The following DHX57 variants were observed in gnomAD, a reference collection of about 807,000 sequenced individuals.
The protein encoded by DHX57 is putative ATP-dependent RNA helicase DHX57.
Under a neutral mutation model 156.2 loss-of-function variants are expected in DHX57, and 105 were observed. The ratio of observed to expected loss-of-function variants is 0.67; its 90% CI spans 0.57 to 0.79. The LOEUF (loss-of-function observed/expected upper bound fraction) is 0.79. Among genes scored for constraint, DHX57 ranks in the 30% least tolerant of loss-of-function variants. DHX57 has a pLI of 0.00. For missense variants in DHX57, 1,847 were observed against 1,661.9 expected (o/e 1.11, Z -1.94); for synonymous variants, 704 against 595.6 (o/e 1.18, Z -2.65).
intron 12 of DHX57, among the ~76,000 whole-genome samples, chr2:38,838,630 A>C (rs936207284): frequency 6.6e-6 from 1 of 152,248 alleles, no homozygotes; most frequent in Admixed American, 6.5e-5. Context: ...CAATCGAATC[A>C]TGAATGAGAT....
chr2:38,825,738 G>C (rs1255601726), intron 16 of DHX57, 109 bp downstream of exon 16: 4 of 1,074,666 alleles, frequency 3.7e-6, no homozygotes, highest in Non-Finnish European at 5.5e-6. Context: ...GATTATTGGT[G>C]GTCATTCTTA....
At chr2:38,849,026 T>C (rs964582571) in intron 9 of DHX57, among the ~76,000 whole-genome samples, 2 of 152,244 alleles carry the variant, frequency 1.3e-5, no homozygotes, top group African/African-American at 2.4e-5. Flanking sequence ...ATTTTTTTAC[T>C]CTTAGCTGGT....
intron 9 of DHX57, chr2:38,852,960 T>A (rs1418767695): frequency 6.5e-6 from 1 of 154,752 alleles, no homozygotes; most frequent in Non-Finnish European, 1.4e-5. Flanking sequence ...GTTTCTGGAC[T>A]CACAAAGCCC....
chr2:38,804,560 A>C (rs1438123714), intron 22 of DHX57, among the ~76,000 whole-genome samples: 1 of 152,122 alleles, frequency 6.6e-6, no homozygotes, highest in Admixed American at 6.6e-5. Context: ...AAAACCCTCC[A>C]ATGGTGTCCA....
In DHX57 at chr2:38,875,920, G is replaced by A; in HGVS notation, c.-140C>T. ...GCGGTGGCCCAGCTGCAGCGGCACAGTCCCGGCGCCTTCTGATTGGCTCAG... is the reference window on the plus strand; with the variant it reads ...GCGGTGGCCCAGCTGCAGCGGCACAATCCCGGCGCCTTCTGATTGGCTCAG... On this transcript the variant is annotated 5_prime_UTR_variant, in exon 1 of 24. Transcript: ENST00000457308. 2 of 396,976 alleles carry A rather than the reference G, an allele frequency of 5.0e-6. No individual in the cohort carries two copies. 24.6% of individuals were successfully genotyped at this position (396,976 alleles called of 1,614,324 possible).
intron 13 of DHX57, among the ~76,000 whole-genome samples, chr2:38,836,852 G>A (rs1671695611): frequency 6.6e-6 from 1 of 151,912 alleles, no homozygotes; most frequent in Non-Finnish European, 1.5e-5. Flanking sequence ...TGTGGTGTGT[G>A]GTTTTTTTCT....
intron 19 of DHX57, chr2:38,816,024 A>C (rs1208362583): frequency 7.3e-6 from 3 of 412,822 alleles, no homozygotes; most frequent in Non-Finnish European, 1.5e-5. Context: ...TCCAACTCCA[A>C]GTGCTGCGGC....
At chr2:38,842,722 C>CA (rs1247569376) in intron 12 of DHX57, among the ~76,000 whole-genome samples, 11 of 152,170 alleles carry the variant, frequency 7.2e-5, no homozygotes, top group African/African-American at 2.4e-4. Context: ...TAAAAAGCTA[C>CA]AAAATGCACA....
In DHX57 at chr2:38,798,304, G is replaced by T; in HGVS notation, c.4156C>A (p.Gln1386Lys). The T allele has an allele frequency of 1.9e-6, 3 of 1,612,040 alleles. No individual in the cohort carries two copies. The highest frequency in any genetic ancestry group is 2.5e-6 in the Non-Finnish European group (3 of 1,179,392). Reference sequence around the variant, plus strand: ...GCACTCTCTAAGACTGCTTTTTATTGTGTGGTGACAAGTTTCACAATTGTG... The same window carrying T: ...GCACTCTCTAAGACTGCTTTTTATTTTGTGGTGACAAGTTTCACAATTGTG... ...ISTIVKLVTT[Q>K] is the part of the protein sequence containing the mutation. Residue 1386 changes from glutamine to lysine, a missense_variant, in exon 24 of 24, where the codon CAA (glutamine) becomes AAA (lysine). Physicochemically the swap from Gln to Lys is moderately conservative, Grantham distance 53. Coordinates refer to ENST00000457308, the MANE Select transcript of DHX57 (RefSeq NM_198963.3).
At chr2:38,842,865 T>C in intron 12 of DHX57, 140 bp downstream of exon 12, 1 of 832,824 alleles carries the variant, frequency 1.2e-6, no homozygotes, top group South Asian at 1.9e-5. Context: ...ACTATTTTTC[T>C]AGGTTTAAGG....
intron 21 of DHX57, chr2:38,810,975 C>T: frequency 1.2e-6 from 1 of 816,436 alleles, no homozygotes; most frequent in South Asian, 1.3e-5. Flanking sequence ...TGCTGGTCAC[C>T]TTCACAGGGA....
At chr2:38,837,427 A>G (rs1476602723) in intron 13 of DHX57, among the ~76,000 whole-genome samples, 3 of 151,970 alleles carry the variant, frequency 2.0e-5, no homozygotes, top group African/African-American at 7.2e-5. Flanking sequence ...CCTGGCCAAC[A>G]GGGAGAAAAC....
chr2:38,856,423 T>C lies in DHX57; in HGVS notation c.1626A>G (p.Gln542=), dbSNP rs1447960082. 7 of 1,613,996 alleles carry C rather than the reference T, an allele frequency of 4.3e-6. No homozygotes were observed. Among genetic ancestry groups the C allele is most frequent in the African/African-American group, 2.7e-5 (2 of 75,030 alleles). The change falls in exon 7 of 24, where the codon CAA becomes CAG. Residue 542 remains glutamine (Q), a synonymous_variant. Transcript: ENST00000457308. The part of the protein sequence containing the change: ...RQFQSILQER[Q]SLPAWEERET... ...CTCTTTCTTCCCAAGCAGGGAGTGA[T>C]TGCCTCTCTTGCAGAATGGACTGGA...
chr2:38,810,912 A>C, intron 21 of DHX57: 1 of 805,516 alleles, frequency 1.2e-6, no homozygotes. Flanking sequence ...CTGCGACTTC[A>C]TTCAGGTACA....
intron 2 of DHX57, among the ~76,000 whole-genome samples, chr2:38,864,384 T>TA (rs968718327): frequency 6.6e-5 from 10 of 150,868 alleles, no homozygotes; most frequent in Non-Finnish European, 1.2e-4. Context: ...TGTCTCTATT[T>TA]AAAAAAAAAG....
At chr2:38,869,730 G>C (rs956319258) in intron 1 of DHX57, among the ~76,000 whole-genome samples, 1 of 152,196 alleles carries the variant, frequency 6.6e-6, no homozygotes, top group African/African-American at 2.4e-5. Context: ...GGGAGAATCA[G>C]TACCCAGAGT....
rs558177115 is a variant in DHX57, at chr2:38,854,941, A to G, written c.1905+116T>C. The G allele has an allele frequency of 4.2e-6, 4 of 943,332 alleles. No individual in the cohort carries two copies. In the East Asian group the frequency reaches 9.7e-5, roughly 23 times the overall value. The allele number at this position is 943,332 out of a possible 1,614,324, so 58.4% of individuals were successfully genotyped here. The stretch of plus-strand genomic sequence containing the variant: ...GATTACCAAAGGTAATCATTAATTT[A>G]AAAATAACCTGAAAGTATATATCCC... On this transcript the variant is annotated intron_variant, in intron 8 of 23. Transcript: ENST00000457308.
At chr2:38,800,719 T>C (rs1490435092) in intron 23 of DHX57, among the ~76,000 whole-genome samples, 2 of 152,172 alleles carry the variant, frequency 1.3e-5, no homozygotes, top group African/African-American at 4.8e-5. Flanking sequence ...TGCCAGGAGC[T>C]ATTGCAGCCC....
At chr2:38,816,695 GT>G (rs1670563118) in intron 19 of DHX57, among the ~76,000 whole-genome samples, 2 of 152,154 alleles carry the variant, frequency 1.3e-5, no homozygotes. Flanking sequence ...CTCAATGATG[GT>G]TTAAGTATTT....
Sources: allele counts gnomAD v4.1 joint callset (sites outside exome capture counted in the v4.1 genomes callset), GRCh38; gene constraint gnomAD v4.1.1; transcripts MANE v1.5; gene names NCBI Gene and HGNC (gene_info 2026-07-23, HGNC 2026-07-21).